DAB1: variants seen among roughly 807,000 people sequenced by gnomAD.
DAB1 encodes disabled homolog 1.
A neutral mutation model predicts 64.6 loss-of-function variants in DAB1; 15 were observed. That is an observed-to-expected ratio of 0.23 (90% CI 0.16 to 0.36). The LOEUF (loss-of-function observed/expected upper bound fraction) is 0.36. Among genes scored for constraint, DAB1 ranks in the 10% least tolerant of loss-of-function variants. DAB1 has a pLI of 1.00. For synonymous variants in DAB1, 235 were observed against 251.9 expected (o/e 0.93, Z 0.64); for missense variants, 596 against 706.7 (o/e 0.84, Z 1.78).
intron 5 of DAB1, among the ~76,000 whole-genome samples, chr1:57,970,965 C>T (rs939039474): frequency 6.6e-6 from 1 of 152,184 alleles, no homozygotes; most frequent in Non-Finnish European, 1.5e-5. Context: ...GACTTTACTA[C>T]AGACCACAGA....
chr1:57,490,861 T>C (rs1644154079), intron 7 of DAB1, among the ~76,000 whole-genome samples: 2 of 152,116 alleles, frequency 1.3e-5, no homozygotes, highest in Non-Finnish European at 2.9e-5. Flanking sequence ...ACTTGCAAAG[T>C]TTTGGAGTAA....
In DAB1 at chr1:57,441,298, CTTT is replaced by C. The variant is rs1558383861; in HGVS notation, n.626-150135_626-150133del. Among the ~76,000 whole-genome samples, 27 of 61,784 alleles carry C rather than the reference CTTT, an allele frequency of 4.4e-4. 1 individual carries two copies. The East Asian group carries it at 0.011, about 26-fold the overall frequency. The allele number at this position is 61,784 out of a possible 152,430, so 40.5% of individuals were successfully genotyped here. A position where few individuals can be genotyped will look rare whatever the true frequency, so the allele number is the denominator to read the frequency against. ...TCTTTCTTTCTTTCTTTCTTTCTTT[CTTT>C]CTTTCTTTCTTTCTTTCTTCTTTCC... On this transcript the variant is annotated intron_variant and non_coding_transcript_variant, in intron 7 of 20. Coordinates refer to the DAB1 transcript ENST00000485760.
At chr1:57,808,543 A>G (rs1306466730) in intron 6 of DAB1, among the ~76,000 whole-genome samples, 1 of 152,182 alleles carries the variant, frequency 6.6e-6, no homozygotes, top group African/African-American at 2.4e-5. Context: ...CTGTAACCAG[A>G]ATTTACTTAG....
chr1:58,337,372 A>C (rs1249012449), intron 4 of DAB1, among the ~76,000 whole-genome samples: 3 of 152,158 alleles, frequency 2.0e-5, no homozygotes, highest in Non-Finnish European at 4.4e-5. Flanking sequence ...CTTATATAGT[A>C]AATAATTTGT....
At chr1:57,588,324 G>A (rs1424140887) in intron 7 of DAB1, among the ~76,000 whole-genome samples, 1 of 152,166 alleles carries the variant, frequency 6.6e-6, no homozygotes, top group Non-Finnish European at 1.5e-5. Flanking sequence ...TCATCTGCAA[G>A]GTTCTGTTCT....
At chr1:57,396,277 C>G (rs1682801250) in intron 1 of DAB1, among the ~76,000 whole-genome samples, 1 of 152,226 alleles carries the variant, frequency 6.6e-6, no homozygotes, top group African/African-American at 2.4e-5. Context: ...CTAGCATCTC[C>G]ATGCCAAACA....
At chr1:57,783,507 C>A (rs569315776) in intron 6 of DAB1, among the ~76,000 whole-genome samples, 1 of 152,214 alleles carries the variant, frequency 6.6e-6, no homozygotes, top group South Asian at 2.1e-4. Flanking sequence ...ACTCATTGTC[C>A]AGTAGGTATT....
intron 2 of DAB1, among the ~76,000 whole-genome samples, chr1:57,219,944 T>A (rs1446640633): frequency 1.3e-5 from 2 of 152,152 alleles, no homozygotes; most frequent in Non-Finnish European, 2.9e-5. Flanking sequence ...AATAAATGTG[T>A]GCTGTTTAAA....
At chr1:57,616,466 T>C (rs1158626252) in intron 7 of DAB1, among the ~76,000 whole-genome samples, 1 of 152,190 alleles carries the variant, frequency 6.6e-6, no homozygotes, top group Non-Finnish European at 1.5e-5. Context: ...TCTCCAAACA[T>C]AGTAAACACT....
chr1:58,158,274 T>G (rs1006185121), intron 4 of DAB1, among the ~76,000 whole-genome samples: 1 of 152,154 alleles, frequency 6.6e-6, no homozygotes, highest in Non-Finnish European at 1.5e-5. Flanking sequence ...CTTATCCAAA[T>G]GTAATGGATT....
In DAB1 at chr1:57,083,233, C is replaced by T. The variant is rs72905255; in HGVS notation, c.307-10819G>A. ...AAGTAACTTGCCCCGGGTCACACAG[C>T]CCATAAGGCAGACCTGGACTGCTGC... is the stretch of plus-strand genomic sequence containing the variant. On this transcript the variant is annotated intron_variant, in intron 4 of 14. Coordinates refer to ENST00000371236, the MANE Select transcript of DAB1 (RefSeq NM_001365792.1). 4.4e-3 allele frequency among the ~76,000 whole-genome samples: 664 copies of T among 152,300 alleles called. 1 individual carries two copies. Among genetic ancestry groups the T allele is most frequent in the African/African-American group, 0.014 (591 of 41,570 alleles).
chr1:58,514,736 G>C (rs1557448666), intron 2 of DAB1, among the ~76,000 whole-genome samples: 1 of 151,974 alleles, frequency 6.6e-6, no homozygotes. Flanking sequence ...AGATGTAAAG[G>C]GACCAAAACA....
At chr1:57,327,292 G>T (rs114626393) in intron 1 of DAB1, among the ~76,000 whole-genome samples, 2,963 of 152,174 alleles carry the variant, frequency 0.019, 85 homozygotes, top group African/African-American at 0.059. Flanking sequence ...ACAGGCCCAG[G>T]ATCCCACTGG....
chr1:58,140,994 C>T (rs1055248657), intron 5 of DAB1, among the ~76,000 whole-genome samples: 3 of 152,088 alleles, frequency 2.0e-5, no homozygotes, highest in African/African-American at 7.2e-5. Context: ...GTTTAATTGG[C>T]TCGTGGTTCT....
At chr1:57,255,210 G>A (rs950375490) in intron 2 of DAB1, among the ~76,000 whole-genome samples, 2 of 152,130 alleles carry the variant, frequency 1.3e-5, no homozygotes, top group African/African-American at 2.4e-5. Flanking sequence ...TCAGAAGCAG[G>A]CTCCATAACA....
At chr1:57,003,383 G>T (rs972407964) in intron 14 of DAB1, among the ~76,000 whole-genome samples, 1 of 152,166 alleles carries the variant, frequency 6.6e-6, no homozygotes, top group South Asian at 2.1e-4. Flanking sequence ...CACCAGGACT[G>T]TGCCTTTAGA....
intron 3 of DAB1, among the ~76,000 whole-genome samples, chr1:58,365,291 C>T (rs780125829): frequency 2.0e-5 from 3 of 152,134 alleles, no homozygotes; most frequent in Non-Finnish European, 4.4e-5. Context: ...CCAAAGACTC[C>T]ACAAGAGAGT....
At chr1:58,126,356 G>A (rs1227818214) in intron 5 of DAB1, among the ~76,000 whole-genome samples, 5 of 152,108 alleles carry the variant, frequency 3.3e-5, no homozygotes, top group African/African-American at 1.2e-4. Flanking sequence ...ACCCTTTGAG[G>A]CTCAGCTTGA....
intron 6 of DAB1, among the ~76,000 whole-genome samples, chr1:57,798,367 G>A (rs1650968467): frequency 6.6e-6 from 1 of 152,160 alleles, no homozygotes; most frequent in Admixed American, 6.5e-5. Context: ...CACTGTATTG[G>A]CTGCCTGCTT....
Sources: gnomAD v4.1 joint callset for allele counts (sites outside exome capture counted in the v4.1 genomes callset) on GRCh38, gnomAD v4.1.1 for gene constraint, MANE v1.5 for transcripts, NCBI Gene and HGNC (gene_info 2026-07-23, HGNC 2026-07-21) for gene names.